The following BMERB1 variants were observed in gnomAD, a reference collection of about 807,000 sequenced individuals.
The protein encoded by BMERB1 is bMERB domain containing 1, also known as bMERB domain-containing protein 1.
BMERB1 carries 12 observed loss-of-function variants against 23.6 expected under a neutral mutation model. The ratio of observed to expected loss-of-function variants is 0.51; its 90% CI spans 0.33 to 0.82. The LOEUF (loss-of-function observed/expected upper bound fraction) is 0.82. BMERB1 is among the 40% of genes least tolerant of loss of function. BMERB1 has a pLI of 0.03. For missense variants in BMERB1, 247 were observed against 255.4 expected, an observed-to-expected ratio of 0.97 and a Z score of 0.22; for synonymous variants, 122 against 96.6, an observed-to-expected ratio of 1.26 and a Z score of -1.54.
chr16:15,561,256 ATTTTTTTTTT>A (rs35139646), intron 2 of BMERB1, among the ~76,000 whole-genome samples: 926 of 42,236 alleles, frequency 0.022, 22 homozygotes, highest in Non-Finnish European at 0.03. Flanking sequence ...CACGCCGGCC[ATTTTTTTTTT>A]TTTTTTTTTT....
intron 2 of BMERB1, among the ~76,000 whole-genome samples, chr16:15,552,370 G>A (rs1328455815): frequency 6.6e-6 from 1 of 151,984 alleles, no homozygotes; most frequent in Non-Finnish European, 1.5e-5. Context: ...AACCTGGGAG[G>A]CAGAGGTTGC....
intron 1 of BMERB1, among the ~76,000 whole-genome samples, chr16:15,485,706 C>T (rs959836802): frequency 6.6e-6 from 1 of 151,372 alleles, no homozygotes; most frequent in African/African-American, 2.4e-5. Context: ...GTTTTTTCCC[C>T]CCCAGGCCAA....
At chr16:15,460,373 G>A (rs2051124170) in intron 1 of BMERB1, among the ~76,000 whole-genome samples, 1 of 152,134 alleles carries the variant, frequency 6.6e-6, no homozygotes, top group South Asian at 2.1e-4. Flanking sequence ...TCATGGGAGA[G>A]AGTATCAGGG....
intron 2 of BMERB1, among the ~76,000 whole-genome samples, chr16:15,526,401 C>T (rs1457392565): frequency 6.6e-6 from 1 of 152,154 alleles, no homozygotes; most frequent in Non-Finnish European, 1.5e-5. Flanking sequence ...CGTGGTGGCT[C>T]ACGCCTCTAA....
chr16:15,578,313 T>G (rs1283414011), intron 3 of BMERB1, among the ~76,000 whole-genome samples: 1 of 151,616 alleles, frequency 6.6e-6, no homozygotes, highest in Non-Finnish European at 1.5e-5. Context: ...ATCCTCCTGC[T>G]TCAGCCTCCC....
At chr16:15,578,560 G>A (rs889965565) in intron 3 of BMERB1, among the ~76,000 whole-genome samples, 9 of 152,098 alleles carry the variant, frequency 5.9e-5, no homozygotes, top group Admixed American at 6.6e-5. Flanking sequence ...TGAACTTTGG[G>A]GGTGCCTTAG....
chr16:15,437,299 A>G (rs1475874692), intron 1 of BMERB1, among the ~76,000 whole-genome samples: 3 of 152,198 alleles, frequency 2.0e-5, no homozygotes, highest in Admixed American at 6.5e-5. Context: ...CTTGCTGGCT[A>G]TGTGACTTTA....
At chr16:15,541,905 ATT>A (rs35159147) in intron 2 of BMERB1, among the ~76,000 whole-genome samples, 16,212 of 109,862 alleles carry the variant, frequency 0.15, 3,126 homozygotes, top group African/African-American at 0.45. Flanking sequence ...CCCGGCCTAA[ATT>A]TTTTTTTTTT....
intron 1 of BMERB1, among the ~76,000 whole-genome samples, chr16:15,482,865 T>A (rs1226615208): frequency 6.6e-6 from 1 of 152,184 alleles, no homozygotes; most frequent in Non-Finnish European, 1.5e-5. Context: ...TTACATGCGT[T>A]GTCTCACTTA....
intron 1 of BMERB1, among the ~76,000 whole-genome samples, chr16:15,439,973 G>C (rs1486218725): frequency 6.6e-6 from 1 of 152,040 alleles, no homozygotes; most frequent in Non-Finnish European, 1.5e-5. Flanking sequence ...GGCTGGGTGT[G>C]GTGGCTCATG....
At chr16:15,579,735 AT>A (rs917450171) in intron 3 of BMERB1, among the ~76,000 whole-genome samples, 2 of 151,680 alleles carry the variant, frequency 1.3e-5, no homozygotes, top group Non-Finnish European at 2.9e-5. Flanking sequence ...GGCATGGATG[AT>A]TTTCTTCTGA....
intron 1 of BMERB1, among the ~76,000 whole-genome samples, chr16:15,460,849 C>T (rs2051128094): frequency 6.6e-6 from 1 of 152,138 alleles, no homozygotes; most frequent in Admixed American, 6.5e-5. Flanking sequence ...TGGGTGCAGG[C>T]TGGGCGCAGT....
intron 1 of BMERB1, among the ~76,000 whole-genome samples, chr16:15,443,682 C>T (rs1006410718): frequency 1.3e-5 from 2 of 152,086 alleles, no homozygotes; most frequent in Non-Finnish European, 2.9e-5. Flanking sequence ...CTTTGGGAGG[C>T]CAAGGTGGGA....
intron 2 of BMERB1, among the ~76,000 whole-genome samples, chr16:15,563,096 C>G (rs2030469783): frequency 6.6e-6 from 1 of 152,108 alleles, no homozygotes; most frequent in Non-Finnish European, 1.5e-5. Context: ...AAAGAACTAC[C>G]TGAGGCCGGG....
intron 1 of BMERB1, among the ~76,000 whole-genome samples, chr16:15,487,813 G>T (rs2051380973): frequency 6.6e-6 from 1 of 152,192 alleles, no homozygotes; most frequent in South Asian, 2.1e-4. Context: ...CATTGCCATG[G>T]CATTTGTAAA....
intron 1 of BMERB1, among the ~76,000 whole-genome samples, chr16:15,466,340 A>G (rs2051180599): frequency 6.6e-6 from 1 of 152,224 alleles, no homozygotes; most frequent in African/African-American, 2.4e-5. Flanking sequence ...ATTTCCAATG[A>G]GGTTAGACAT....
chr16:15,468,615 T>C (rs1364312576), intron 1 of BMERB1, among the ~76,000 whole-genome samples: 3 of 152,146 alleles, frequency 2.0e-5, no homozygotes, highest in Non-Finnish European at 1.5e-5. Context: ...ATTCAGATGG[T>C]TGGGGGGCCT....
At chr16:15,555,375 A>T (rs2030225275) in intron 2 of BMERB1, among the ~76,000 whole-genome samples, 1 of 152,132 alleles carries the variant, frequency 6.6e-6, no homozygotes, top group South Asian at 2.1e-4. Context: ...CCTGGCCATA[A>T]TTTTTTTATA....
chr16:15,478,496 A>G (rs1371308185), intron 1 of BMERB1, among the ~76,000 whole-genome samples: 1 of 152,044 alleles, frequency 6.6e-6, no homozygotes, highest in East Asian at 1.9e-4. Context: ...CCCCACTCCC[A>G]TATTTAGGTA....
Sources: allele counts gnomAD v4.1 joint callset (sites outside exome capture counted in the v4.1 genomes callset), GRCh38; gene constraint gnomAD v4.1.1; transcripts MANE v1.5; gene names NCBI Gene and HGNC (gene_info 2026-07-23, HGNC 2026-07-21).